RPUSD1: variants seen among roughly 807,000 people sequenced by gnomAD.
RPUSD1 encodes RNA pseudouridine synthase domain containing 1.
In RPUSD1, 28 loss-of-function variants were observed where a neutral mutation model predicts 22.4. The observed-to-expected ratio is 1.25, with a 90% confidence interval of 0.93 to 1.72. RPUSD1 has a LOEUF of 1.72. Ranked by LOEUF, RPUSD1 falls within the 40% of genes most tolerant of loss-of-function variation. The pLI, the probability that RPUSD1 is intolerant of heterozygous loss-of-function variation, is 0.00. For synonymous variants in RPUSD1, 298 were observed against 201.0 expected, an observed-to-expected ratio of 1.48 and a Z score of -4.08; for missense variants, 596 against 442.2, an observed-to-expected ratio of 1.35 and a Z score of -3.12.
At position 787,393 on chromosome 16, in the gene RPUSD1, G is replaced by T; in HGVS notation, c.267C>A (p.Cys89Ter). 6.3e-7 allele frequency: 1 copy of T among 1,589,596 alleles called. No homozygotes were observed. The highest frequency in any genetic ancestry group is 8.6e-7 in the Non-Finnish European group (1 of 1,168,292). Residue 89 changes from cysteine to a stop codon, truncating the protein, a stop_gained, in exon 3 of 6, where the codon TGC becomes TGA. Transcript: ENST00000007264. LOFTEE classifies it high-confidence loss of function. ...CCTTGGTCACGCGCCGCTCCTTGAA[G>T]CACCTGTACGCGCTGCCGGCGGCTG... The part of the protein sequence containing the change: ...NKAAAGSAYR[C>*]FKERRVTKAY...
rs751771442 is a variant in RPUSD1, at chr16:787,625, A to T, written c.113T>A (p.Leu38Gln). ...GTACCGCAGCTGCTTCTGCAGGGTC[A>T]GAGTCTCCCGCCACGCCTTGCTGTC... Reference protein sequence around the residue: ...RIDSKAWRETLTLQKQLRYRF... With the variant: ...RIDSKAWRETQTLQKQLRYRF... The change falls in exon 2 of 6, where the codon CTG becomes CAG. Residue 38 changes from leucine to glutamine, a missense_variant. By Grantham distance (113) the Leu-to-Gln change is moderately radical. Coordinates refer to ENST00000007264, the MANE Select transcript of RPUSD1 (RefSeq NM_058192.3). 6.2e-7 allele frequency: 1 copy of T among 1,611,980 alleles called. No homozygotes were observed.
Position 785,630 on chromosome 16 carries a change from G to A in RPUSD1, c.*320C>T, listed in dbSNP as rs541518354. The stretch of plus-strand genomic sequence containing the variant: ...TTGAGTCCGTAAAACTGACGCCCCT[G>A]GGGTGACGCTTGAGAGCCGGAAGCT... On this transcript the variant is annotated 3_prime_UTR_variant, in exon 6 of 6. Coordinates refer to ENST00000007264, the MANE Select transcript of RPUSD1 (RefSeq NM_058192.3). 2.8e-5 allele frequency: 9 copies of A among 318,278 alleles called. No individual in the cohort carries two copies. The East Asian group carries it at 3.5e-4, about 12-fold the overall frequency. 19.7% of individuals were successfully genotyped at this position (318,278 alleles called of 1,614,324 possible). A position where few individuals can be genotyped will look rare whatever the true frequency, so the allele number is the denominator to read the frequency against.
Position 787,540 on chromosome 16 carries a change from C to T in RPUSD1, c.182+16G>A, listed in dbSNP as rs1016478514. The T allele has an allele frequency of 1.2e-6, 2 of 1,606,684 alleles. No homozygotes were observed. The highest frequency in any genetic ancestry group is 2.2e-5 in the East Asian group (1 of 44,598). On this transcript the variant is annotated intron_variant, in intron 2 of 5. Coordinates refer to ENST00000007264, the MANE Select transcript of RPUSD1 (RefSeq NM_058192.3). ...CTCCACAGACGCCACCGTGGGGCTC[C>T]GGCCGCCCCCCCTACCTGAACCCGT... is the stretch of plus-strand genomic sequence containing the variant.
chr16:787,210 A>C (rs1210484752), intron 3 of RPUSD1, 31 bp from the exon 4 acceptor site: 13 of 1,578,766 alleles, frequency 8.2e-6, no homozygotes, highest in Non-Finnish European at 2.6e-6. Context: ...CACGCAGTTC[A>C]CGGGGCAGCC....
chr16:787,887 C>CTCAGTCCCCGAGA (rs2042010404), intron 1 of RPUSD1, 143 bp from the exon 2 acceptor site: 2 of 752,154 alleles, frequency 2.7e-6, no homozygotes, highest in African/African-American at 1.8e-5. Context: ...CACCTGCATC[C>CTCAGTCCCCGAGA]TCAGTCCCCG....
chr16:786,437 C>T, intron 5 of RPUSD1, 60 bp from the exon 6 acceptor site: 2 of 1,531,414 alleles, frequency 1.3e-6, no homozygotes, highest in Non-Finnish European at 1.8e-6. Flanking sequence ...CACCTATCTC[C>T]CTGACCAGGA....
At position 786,816 on chromosome 16, in the gene RPUSD1, C is replaced by T. The variant is rs757668592; in HGVS notation, c.511+11G>A. 6 of 1,609,208 alleles carry T rather than the reference C, an allele frequency of 3.7e-6. No individual in the cohort carries two copies. The highest frequency in any genetic ancestry group is 1.1e-5 in the South Asian group (1 of 91,008). ...CTGTCACCACCAGGACACCGCCCAC[C>T]CCAGACACACCCGTGAGCGGCTTCA... On this transcript the variant is annotated intron_variant, in intron 5 of 5. Transcript: ENST00000007264.
rs983695403 is a variant in RPUSD1 at position 787,387 on chromosome 16, C to G, written c.273G>C (p.Lys91Asn). Reference protein sequence around the residue: ...AAAGSAYRCFKERRVTKAYLA... With the variant: ...AAAGSAYRCFNERRVTKAYLA... Reference sequence around the variant, plus strand: ...GGTAAGCCTTGGTCACGCGCCGCTCCTTGAAGCACCTGTACGCGCTGCCGG... The same window carrying G: ...GGTAAGCCTTGGTCACGCGCCGCTCGTTGAAGCACCTGTACGCGCTGCCGG... Residue 91 changes from lysine to asparagine, a missense_variant, in exon 3 of 6, where the codon AAG becomes AAC. Lys to Asn is a moderately conservative substitution (Grantham distance 94). Transcript: ENST00000007264. 1.7e-5 allele frequency: 27 copies of G among 1,590,854 alleles called. No homozygotes were observed. Among genetic ancestry groups the G allele is most frequent in the Non-Finnish European group, 2.2e-5 (26 of 1,169,074 alleles).
chr16:786,800 C>A, intron 5 of RPUSD1, 27 bp downstream of exon 5: 1 of 1,589,720 alleles, frequency 6.3e-7, no homozygotes. Context: ...TCTGTCACCA[C>A]CAGGACACCG....
Position 787,177 on chromosome 16 carries a change from C to A in RPUSD1, c.309G>T (p.Leu103=). The A allele has an allele frequency of 6.2e-7, 1 of 1,602,610 alleles. No individual in the cohort carries two copies. Among genetic ancestry groups the A allele is most frequent in the Non-Finnish European group, 8.5e-7 (1 of 1,178,000 alleles). The change falls in exon 4 of 6, where the codon CTG becomes CTT. Residue 103 remains leucine, a splice_region_variant and synonymous_variant. Transcript: ENST00000007264. ...CCCGGCTCTCCTGGATGTGCCCCCGCAGCTGCAGGAGAGGGAGAATCGCAC... is the reference window on the plus strand; with the variant it reads ...CCCGGCTCTCCTGGATGTGCCCCCGAAGCTGCAGGAGAGGGAGAATCGCAC... ...RRVTKAYLAL[L]RGHIQESRVT...
Position 786,283 on chromosome 16 carries a change from C to T in RPUSD1, c.606G>A (p.Arg202=), listed in dbSNP as rs200470942. The change falls in exon 6 of 6, where the codon CGG becomes CGA. Residue 202 remains arginine, a synonymous_variant. Transcript: ENST00000007264. ...TYGEVSGRED[R]PFRMMLHAFY... Reference sequence around the variant, plus strand: ...AAGCGTGCAGCATCATTCTGAACGGCCGGTCCTCCCGGCCCGAGACTTCTC... The same window carrying T: ...AAGCGTGCAGCATCATTCTGAACGGTCGGTCCTCCCGGCCCGAGACTTCTC... 7.4e-6 allele frequency: 12 copies of T among 1,612,730 alleles called. No homozygotes were observed. The East Asian group carries it at 2.5e-4, about 33-fold the overall frequency.
intron 5 of RPUSD1, 80 bp from the exon 6 acceptor site, chr16:786,457 C>A: frequency 7.1e-7 from 1 of 1,407,238 alleles, no homozygotes. Flanking sequence ...ACCCACCTCC[C>A]GTCATGACCC....
rs754419281 is a variant in RPUSD1 at position 786,893 on chromosome 16, C to T, written c.445G>A (p.Val149Met). 50 of 1,613,284 alleles carry T rather than the reference C, an allele frequency of 3.1e-5. No homozygotes were observed. The South Asian group carries it at 3.3e-4, about 11-fold the overall frequency. ...ENPKPSLTDL[V>M]VLEHGLYAGD... ...GCGTACAGCCCGTGTTCCAGAACCA[C>T]GAGATCTGTGAGGCTTGGCTTTGGG... Residue 149 changes from valine (V) to methionine (M), a missense_variant, in exon 5 of 6, where the codon GTG (valine) becomes ATG (methionine). Val to Met is a conservative substitution (Grantham distance 21). Transcript: ENST00000007264.
chr16:786,687 G>A lies in RPUSD1; in HGVS notation c.511+140C>T, dbSNP rs752550338. Reference sequence around the variant, plus strand: ...GTGTCAGGTGAGAAGCTGAGAGGCTGCAGGGCGTGGAGTTAAGAACGCAGG... The same window carrying A: ...GTGTCAGGTGAGAAGCTGAGAGGCTACAGGGCGTGGAGTTAAGAACGCAGG... On this transcript the variant is annotated intron_variant, in intron 5 of 5. Transcript: ENST00000007264. The A allele has an allele frequency of 1.3e-5, 10 of 795,354 alleles. No individual in the cohort carries two copies. In the Admixed American group the frequency reaches 1.8e-4, roughly 15 times the overall value. The allele number at this position is 795,354 out of a possible 1,614,324, so 49.3% of individuals were successfully genotyped here. A position where few individuals can be genotyped will look rare whatever the true frequency, so the allele number is the denominator to read the frequency against.
At chr16:786,551 G>T (rs367998671) in intron 5 of RPUSD1, 174 bp from the exon 6 acceptor site, 3 of 779,870 alleles carry the variant, frequency 3.8e-6, no homozygotes, top group Non-Finnish European at 6.5e-6. Flanking sequence ...TAGGACAGAA[G>T]ATTGTGTTCA....
At chr16:786,512 C>T (rs1227164178) in intron 5 of RPUSD1, 135 bp from the exon 6 acceptor site, 3 of 861,896 alleles carry the variant, frequency 3.5e-6, no homozygotes, top group Admixed American at 2.1e-5. Flanking sequence ...CTCTCCCTGT[C>T]CCCTGCCATG....
Position 787,374 on chromosome 16 carries a change from T to C in RPUSD1, c.286A>G (p.Thr96Ala), listed in dbSNP as rs1567380447. 3 of 1,587,146 alleles carry C rather than the reference T, an allele frequency of 1.9e-6. No homozygotes were observed. In the East Asian group the frequency reaches 7.0e-5, roughly 37 times the overall value. The change falls in exon 3 of 6, where the codon ACC becomes GCC. Residue 96 changes from threonine (T) to alanine (A), a missense_variant. Coordinates refer to ENST00000007264, the MANE Select transcript of RPUSD1 (RefSeq NM_058192.3). ...AYRCFKERRV[T>A]KAYLALLRGH... ...CTTACCAATGCCAGGTAAGCCTTGG[T>C]CACGCGCCGCTCCTTGAAGCACCTG... is the stretch of plus-strand genomic sequence containing the variant.
chr16:787,867 C>A (rs1596732543), intron 1 of RPUSD1, 123 bp from the exon 2 acceptor site: 2 of 923,764 alleles, frequency 2.2e-6, no homozygotes, highest in Non-Finnish European at 3.2e-6. Context: ...GGGTCCGCAG[C>A]CCTACTGTGC....
chr16:786,966 G>T, intron 4 of RPUSD1, 38 bp from the exon 5 acceptor site: 1 of 1,595,126 alleles, frequency 6.3e-7, no homozygotes, highest in South Asian at 1.1e-5. Context: ...TAGTGGGACT[G>T]ACCCGGGGCC....
Sources: gnomAD v4.1 joint callset for allele counts on GRCh38, gnomAD v4.1.1 for gene constraint, MANE v1.5 for transcripts, NCBI Gene and HGNC (gene_info 2026-07-23, HGNC 2026-07-21) for gene names.